The following GAB2 variants were observed in gnomAD, a reference collection of about 807,000 sequenced individuals.
GAB2 encodes the protein GRB2-associated-binding protein 2.
Under a neutral mutation model 65.5 loss-of-function variants are expected in GAB2, and 26 were observed. The ratio of observed to expected loss-of-function variants is 0.40; its 90% CI spans 0.29 to 0.55. GAB2 has a LOEUF of 0.55. GAB2 is among the 20% of genes least tolerant of loss of function. The pLI is 0.53. For missense variants in GAB2, 884 were observed against 875.8 expected (o/e 1.01, Z -0.12); for synonymous variants, 321 against 329.6 (o/e 0.97, Z 0.28).
At chr11:78,223,796 G>T in intron 5 of GAB2, 120 bp from the exon 6 acceptor site, 1 of 839,110 alleles carries the variant, frequency 1.2e-6, no homozygotes, top group Non-Finnish European at 1.9e-6. Flanking sequence ...CTTTGAAGCT[G>T]TAAGGGAGAC....
intron 1 of GAB2, among the ~76,000 whole-genome samples, chr11:78,406,381 A>AT (rs56317311): frequency 2.1e-3 from 304 of 147,696 alleles, no homozygotes; most frequent in Non-Finnish European, 2.3e-3. Context: ...TCCACGTTTA[A>AT]TTTTTTTTTT....
intron 1 of GAB2, among the ~76,000 whole-genome samples, chr11:78,399,934 C>A (rs1856948145): frequency 6.6e-6 from 1 of 152,132 alleles, no homozygotes; most frequent in Non-Finnish European, 1.5e-5. Flanking sequence ...GACCCTAAGG[C>A]CTTTGAAATA....
intron 2 of GAB2, among the ~76,000 whole-genome samples, chr11:78,267,865 A>AAAAAAAAAAAAAAAAAAAAAC (rs1294073610): frequency 6.6e-6 from 1 of 150,550 alleles, no homozygotes; most frequent in East Asian, 1.9e-4. Flanking sequence ...CTCAAAAAAA[A>AAAAAAAAAAAAAAAAAAAAAC]AAAAAAAAAA....
intron 1 of GAB2, among the ~76,000 whole-genome samples, chr11:78,325,088 T>C (rs967341395): frequency 2.6e-5 from 4 of 152,200 alleles, no homozygotes; most frequent in African/African-American, 7.2e-5. Context: ...AATATGTACC[T>C]GCACACTGCT....
intron 2 of GAB2, among the ~76,000 whole-genome samples, chr11:78,264,893 T>C (rs1025214586): frequency 4.6e-5 from 7 of 152,206 alleles, no homozygotes; most frequent in Admixed American, 1.3e-4. Context: ...AGTAGCATGG[T>C]AGACGTCTCC....
intron 2 of GAB2, among the ~76,000 whole-genome samples, chr11:78,273,561 C>G (rs1300282752): frequency 2.0e-5 from 3 of 152,214 alleles, no homozygotes; most frequent in Admixed American, 6.5e-5. Context: ...AAATAACTAA[C>G]TTGCTTTTGA....
At chr11:78,221,170 C>T (rs1225095284) in intron 8 of GAB2, among the ~76,000 whole-genome samples, 3 of 152,216 alleles carry the variant, frequency 2.0e-5, no homozygotes, top group Non-Finnish European at 4.4e-5. Flanking sequence ...TTGTTGGCTG[C>T]TTTACTGGTT....
chr11:78,234,728 T>C (rs1050650389), intron 3 of GAB2, among the ~76,000 whole-genome samples: 1 of 151,976 alleles, frequency 6.6e-6, no homozygotes, highest in Non-Finnish European at 1.5e-5. Context: ...CAACATTATC[T>C]TGATTACCAT....
intron 1 of GAB2, among the ~76,000 whole-genome samples, chr11:78,339,368 G>A (rs1198965070): frequency 1.3e-5 from 2 of 152,138 alleles, no homozygotes; most frequent in Non-Finnish European, 2.9e-5. Flanking sequence ...GGGGTTTCAA[G>A]ATGGTCACAA....
intron 3 of GAB2, among the ~76,000 whole-genome samples, chr11:78,247,405 T>A (rs1329654122): frequency 6.6e-6 from 1 of 152,162 alleles, no homozygotes; most frequent in Admixed American, 6.5e-5. Flanking sequence ...ACCTATTATA[T>A]CCTTTACCCA....
chr11:78,411,330 T>C (rs182310031), intron 1 of GAB2, among the ~76,000 whole-genome samples: 5 of 152,368 alleles, frequency 3.3e-5, no homozygotes, highest in Non-Finnish European at 5.9e-5. Flanking sequence ...AGCAAGACTT[T>C]CTTTTTTTTG....
At chr11:78,394,880 G>C (rs535501728) in intron 1 of GAB2, among the ~76,000 whole-genome samples, 1 of 152,152 alleles carries the variant, frequency 6.6e-6, no homozygotes, top group South Asian at 2.1e-4. Context: ...GAGATCATGC[G>C]GTGAGGAAGC....
At chr11:78,303,472 G>C (rs1867088860) in intron 1 of GAB2, among the ~76,000 whole-genome samples, 1 of 152,060 alleles carries the variant, frequency 6.6e-6, no homozygotes, top group Admixed American at 6.6e-5. Flanking sequence ...AAAACCAATT[G>C]ATCAAATACA....
intron 1 of GAB2, among the ~76,000 whole-genome samples, chr11:78,286,054 C>CTTTGTT (rs1866472187): frequency 6.6e-6 from 1 of 152,100 alleles, no homozygotes; most frequent in African/African-American, 2.4e-5. Context: ...CGCTCTTTCC[C>CTTTGTT]TCCTTTGTTT....
chr11:78,283,477 T>C (rs1052817796), intron 1 of GAB2, among the ~76,000 whole-genome samples: 3 of 152,184 alleles, frequency 2.0e-5, no homozygotes, highest in Admixed American at 2.0e-4. Flanking sequence ...CTTCACCAAC[T>C]ATGGCCCAGT....
intron 1 of GAB2, among the ~76,000 whole-genome samples, chr11:78,314,127 G>A (rs1014567703): frequency 1.3e-5 from 2 of 152,248 alleles, no homozygotes; most frequent in African/African-American, 2.4e-5. Flanking sequence ...TGAGCCCTGA[G>A]TCAGGCAGGC....
intron 1 of GAB2, among the ~76,000 whole-genome samples, chr11:78,388,480 C>T (rs1311320613): frequency 6.6e-6 from 1 of 152,102 alleles, no homozygotes; most frequent in African/African-American, 2.4e-5. Flanking sequence ...GGATGTGCCA[C>T]CACATCCAGC....
intron 1 of GAB2, among the ~76,000 whole-genome samples, chr11:78,315,769 G>A (rs1855590591): frequency 6.6e-6 from 1 of 152,202 alleles, no homozygotes; most frequent in African/African-American, 2.4e-5. Context: ...CATATATCTG[G>A]TAAAGGATTT....
chr11:78,364,461 A>G (rs1416420570), intron 1 of GAB2, among the ~76,000 whole-genome samples: 2 of 152,226 alleles, frequency 1.3e-5, no homozygotes, highest in East Asian at 3.8e-4. Context: ...AAGTTTCAAT[A>G]AATATCCTTA....
Sources: allele counts gnomAD v4.1 joint callset (sites outside exome capture counted in the v4.1 genomes callset), GRCh38; gene constraint gnomAD v4.1.1; transcripts MANE v1.5; gene names NCBI Gene and HGNC (gene_info 2026-07-23, HGNC 2026-07-21).